LDB2: variants seen among roughly 807,000 people sequenced by gnomAD.
LDB2 encodes the protein LIM domain-binding protein 2.
LDB2 carries 12 observed loss-of-function variants against 44.3 expected under a neutral mutation model. That is an observed-to-expected ratio of 0.27 (90% CI 0.17 to 0.44). The LOEUF (loss-of-function observed/expected upper bound fraction) is 0.44. Ranked by LOEUF, LDB2 falls within the 20% of genes least tolerant of loss-of-function variation. The probability of loss-of-function intolerance (pLI) is 1.00; values close to 1 mark genes in which losing one functional copy is unlikely to be tolerated. For missense variants in LDB2, 344 were observed against 473.5 expected, an observed-to-expected ratio of 0.73 and a Z score of 2.54; for synonymous variants, 164 against 174.8, an observed-to-expected ratio of 0.94 and a Z score of 0.49.
chr4:16,833,544 CT>C (rs34692758), intron 1 of LDB2, among the ~76,000 whole-genome samples: 48,836 of 129,286 alleles, frequency 0.38, 7,320 homozygotes, highest in East Asian at 0.57. Context: ...ATCTTTTCCT[CT>C]TTTTTTTTTT....
chr4:16,614,113 A>G lies in LDB2; in HGVS notation c.236-18238T>C, dbSNP rs541583592. Among the ~76,000 whole-genome samples the G allele has an allele frequency of 5.3e-5, 8 of 152,294 alleles. No homozygotes were observed. The South Asian group carries it at 1.5e-3, about 28-fold the overall frequency. On this transcript the variant is annotated intron_variant, in intron 2 of 7. Transcript: ENST00000304523. ...GAACAGAGACCTCAGAAATAACACC[A>G]CACATATACAATCATCTGATCTTTG...
chr4:16,506,111 G>A, intron 7 of LDB2: 1 of 904,466 alleles, frequency 1.1e-6, no homozygotes, highest in South Asian at 1.9e-5. Context: ...GGACCAGACA[G>A]TGGATGCCTG....
At chr4:16,888,458 C>T (rs1722391270) in intron 1 of LDB2, among the ~76,000 whole-genome samples, 1 of 152,228 alleles carries the variant, frequency 6.6e-6, no homozygotes. Flanking sequence ...TCTGCCATTC[C>T]TCTCACATAA....
chr4:16,887,919 A>T (rs1191681419), intron 1 of LDB2, among the ~76,000 whole-genome samples: 1 of 147,764 alleles, frequency 6.8e-6, no homozygotes, highest in African/African-American at 2.5e-5. Context: ...TTGCATCTGT[A>T]AAAAAAAAAG....
intron 5 of LDB2, among the ~76,000 whole-genome samples, chr4:16,538,021 T>C (rs1732443981): frequency 6.6e-6 from 1 of 152,218 alleles, no homozygotes; most frequent in Non-Finnish European, 1.5e-5. Context: ...TAAGCCAAGG[T>C]ACTTGGGCAT....
chr4:16,549,824 A>C (rs1040877395), intron 5 of LDB2, among the ~76,000 whole-genome samples: 2 of 152,252 alleles, frequency 1.3e-5, no homozygotes, highest in Non-Finnish European at 2.9e-5. Context: ...TCTCTGTAAG[A>C]GTTACAAAAT....
chr4:16,866,501 C>A (rs1397909704), intron 1 of LDB2, among the ~76,000 whole-genome samples: 1 of 152,098 alleles, frequency 6.6e-6, no homozygotes, highest in Non-Finnish European at 1.5e-5. Context: ...TGGTCTAATA[C>A]CCTCAATTGC....
chr4:16,753,479 G>C (rs1765872874), intron 2 of LDB2, among the ~76,000 whole-genome samples: 1 of 152,170 alleles, frequency 6.6e-6, no homozygotes, highest in South Asian at 2.1e-4. Context: ...AAGGAGGTAA[G>C]GAACGACAAT....
chr4:16,711,550 G>A (rs1015370891), intron 2 of LDB2, among the ~76,000 whole-genome samples: 1 of 152,218 alleles, frequency 6.6e-6, no homozygotes, highest in African/African-American at 2.4e-5. Context: ...GGGGTGACAA[G>A]TCTGATCTGG....
intron 2 of LDB2, among the ~76,000 whole-genome samples, chr4:16,708,446 C>G (rs1755106728): frequency 6.6e-6 from 1 of 152,178 alleles, no homozygotes; most frequent in African/African-American, 2.4e-5. Flanking sequence ...CTCCTCCTGT[C>G]TACCCATATT....
intron 1 of LDB2, among the ~76,000 whole-genome samples, chr4:16,786,088 TA>T (rs1018469944): frequency 5.3e-5 from 8 of 152,172 alleles, no homozygotes; most frequent in African/African-American, 1.9e-4. Flanking sequence ...ACAAATACCT[TA>T]AGAAGAAAGT....
intron 1 of LDB2, among the ~76,000 whole-genome samples, chr4:16,883,345 G>A (rs1054238037): frequency 6.6e-6 from 1 of 152,200 alleles, no homozygotes; most frequent in Non-Finnish European, 1.5e-5. Flanking sequence ...CAAGAAAGTC[G>A]AAAGAGGAAA....
At chr4:16,517,411 A>G (rs974548821) in intron 5 of LDB2, among the ~76,000 whole-genome samples, 1 of 152,174 alleles carries the variant, frequency 6.6e-6, no homozygotes, top group Non-Finnish European at 1.5e-5. Flanking sequence ...TGGTCCTTTG[A>G]TGTTGAAAAA....
chr4:16,843,467 T>C lies in LDB2; in HGVS notation c.132+54887A>G, dbSNP rs139391876. Among the ~76,000 whole-genome samples the C allele has an allele frequency of 1.6e-4, 25 of 152,316 alleles. 1 individual carries two copies. The highest frequency in any genetic ancestry group is 5.3e-4 in the African/African-American group (22 of 41,578). On this transcript the variant is annotated intron_variant, in intron 1 of 7. Coordinates refer to ENST00000304523, the MANE Select transcript of LDB2 (RefSeq NM_001290.5). Reference sequence around the variant, plus strand: ...TGAACCACTTCAACAGATTCTTAAATGTTAAATATTGAATGCAAGTGTATA... The same window carrying C: ...TGAACCACTTCAACAGATTCTTAAACGTTAAATATTGAATGCAAGTGTATA...
chr4:16,854,395 A>G (rs1788910504), intron 1 of LDB2, among the ~76,000 whole-genome samples: 1 of 151,466 alleles, frequency 6.6e-6, no homozygotes, highest in African/African-American at 2.4e-5. Flanking sequence ...CCTCAATCCA[A>G]AATAACAGTG....
At position 16,898,594 on chromosome 4, in the gene LDB2, C is replaced by T. The variant is rs769023003; in HGVS notation, c.-109G>A. The T allele has an allele frequency of 5.5e-6, 6 of 1,083,988 alleles. No individual in the cohort carries two copies. Among genetic ancestry groups the T allele is most frequent in the Non-Finnish European group, 7.9e-6 (6 of 763,242 alleles). 67.1% of individuals were successfully genotyped at this position (1,083,988 alleles called of 1,614,324 possible). On this transcript the variant is annotated 5_prime_UTR_variant, in exon 1 of 8. The change creates a new upstream start codon in the 5' untranslated region. Coordinates refer to ENST00000304523, the MANE Select transcript of LDB2 (RefSeq NM_001290.5). ...AAGTAGACGCACGCACACACGCTCA[C>T]ACACACACAGAGGCAGGCAGGCAGG...
chr4:16,894,629 T>C (rs1580564552), intron 1 of LDB2, among the ~76,000 whole-genome samples: 2 of 152,176 alleles, frequency 1.3e-5, no homozygotes, highest in Admixed American at 1.3e-4. Context: ...GGATGTGAGA[T>C]GAACACTTTA....
chr4:16,678,553 T>TGG (rs767138134), intron 2 of LDB2, among the ~76,000 whole-genome samples: 6 of 152,186 alleles, frequency 3.9e-5, no homozygotes, highest in Non-Finnish European at 5.9e-5. Flanking sequence ...AGTAACACTC[T>TGG]GGGCTACTCT....
chr4:16,579,765 G>A (rs1014906639), intron 5 of LDB2, among the ~76,000 whole-genome samples: 1 of 152,146 alleles, frequency 6.6e-6, no homozygotes, highest in East Asian at 1.9e-4. Flanking sequence ...GGTTCTTATT[G>A]TTGTCATTTG....
Sources: gnomAD v4.1 joint callset for allele counts (sites outside exome capture counted in the v4.1 genomes callset) on GRCh38, gnomAD v4.1.1 for gene constraint, MANE v1.5 for transcripts, NCBI Gene and HGNC (gene_info 2026-07-23, HGNC 2026-07-21) for gene names.